The following INPP5A variants were observed in gnomAD, a reference collection of about 807,000 sequenced individuals.
INPP5A encodes 43 kDa inositol polyphosphate 5-phophatase.
INPP5A carries 14 observed loss-of-function variants against 65.2 expected under a neutral mutation model. The ratio of observed to expected loss-of-function variants is 0.21; its 90% CI spans 0.14 to 0.34. The LOEUF (loss-of-function observed/expected upper bound fraction) is 0.34, where lower values mean the gene tolerates loss of function less well. INPP5A is among the 10% of genes least tolerant of loss of function. INPP5A has a pLI of 1.00. For missense variants in INPP5A, 431 were observed against 545.6 expected (o/e 0.79, Z 2.09); for synonymous variants, 207 against 208.3 (o/e 0.99, Z 0.05).
rs777374280 is a variant in INPP5A at position 132,697,056 on chromosome 10, G to A, written c.371-760G>A. On this transcript the variant is annotated intron_variant, in intron 5 of 15. Coordinates refer to ENST00000368594, the MANE Select transcript of INPP5A (RefSeq NM_005539.5). The surrounding 1 kb of genome is among the most constrained non-coding windows in gnomAD (Gnocchi z 5.6). ...CTCCAAAGCGGTCTCCAGGAACCTCGTTGACACCCAGGAGTGTCACCTCAG... is the reference window on the plus strand; with the variant it reads ...CTCCAAAGCGGTCTCCAGGAACCTCATTGACACCCAGGAGTGTCACCTCAG... 2.0e-5 allele frequency among the ~76,000 whole-genome samples: 3 copies of A among 152,212 alleles called. No individual in the cohort carries two copies. Among genetic ancestry groups the A allele is most frequent in the Non-Finnish European group, 2.9e-5 (2 of 68,038 alleles).
chr10:132,769,521 C>T (rs1027995687), intron 12 of INPP5A, among the ~76,000 whole-genome samples: 6 of 152,020 alleles, frequency 3.9e-5, no homozygotes, highest in East Asian at 1.9e-4. Flanking sequence ...CTATTTCCAT[C>T]GGGTGTGACG....
chr10:132,651,691 G>GC lies in INPP5A; in HGVS notation c.306+1192dup, dbSNP rs1564949764. Among the ~76,000 whole-genome samples, 1 of 152,168 alleles carries GC rather than the reference G, an allele frequency of 6.6e-6. No individual in the cohort carries two copies. The highest frequency in any genetic ancestry group is 1.9e-4 in the East Asian group (1 of 5,188). Reference sequence around the variant, plus strand: ...AGTGCTGAGGGTCTCGCTCTCCAGTGCCCCCCTGCCCTGCAGGTGGGACTC... The same window carrying GC: ...AGTGCTGAGGGTCTCGCTCTCCAGTGCCCCCCCTGCCCTGCAGGTGGGACTC... On this transcript the variant is annotated intron_variant, in intron 4 of 15. Coordinates refer to ENST00000368594, the MANE Select transcript of INPP5A (RefSeq NM_005539.5). This position sits in a 1 kb window ranked among gnomAD's most constrained non-coding sequence, Gnocchi z 5.0.
At chr10:132,719,481 C>T (rs574882313) in intron 8 of INPP5A, among the ~76,000 whole-genome samples, 18 of 94,226 alleles carry the variant, frequency 1.9e-4, no homozygotes, top group African/African-American at 6.2e-4. Flanking sequence ...GGCTGTCTTG[C>T]GGGTTCTGTG....
intron 4 of INPP5A, among the ~76,000 whole-genome samples, chr10:132,669,608 C>T (rs889570971): frequency 2.0e-5 from 3 of 152,198 alleles, no homozygotes; most frequent in Non-Finnish European, 2.9e-5. Context: ...GCTTCTCTTA[C>T]GTGCTTGCAG....
Position 132,742,960 on chromosome 10 carries a change from G to A in INPP5A, c.733-6557G>A, listed in dbSNP as rs182399682. On this transcript the variant is annotated intron_variant, in intron 9 of 15. Transcript: ENST00000368594. The stretch of plus-strand genomic sequence containing the variant: ...TTTGTGGCTGAAATTCGACCCAGCC[G>A]GCCTGCGCCTGCCCCGCGCCCCCTT... Among the ~76,000 whole-genome samples, 425 of 152,310 alleles carry A rather than the reference G, an allele frequency of 2.8e-3. 1 individual carries two copies. The highest frequency in any genetic ancestry group is 9.7e-3 in the African/African-American group (405 of 41,578).
At chr10:132,688,643 GAGTGTGTGTGCA>G (rs574087351) in intron 4 of INPP5A, among the ~76,000 whole-genome samples, 164 of 152,050 alleles carry the variant, frequency 1.1e-3, no homozygotes, top group African/African-American at 3.7e-3. Flanking sequence ...GCGTGTGCAT[GAGTGTGTGTGCA>G]AGTGAGTGTG....
chr10:132,701,761 C>G (rs1002237771), intron 6 of INPP5A, among the ~76,000 whole-genome samples: 1 of 152,218 alleles, frequency 6.6e-6, no homozygotes, highest in Admixed American at 6.5e-5. Flanking sequence ...CCCCACCCCA[C>G]CCCAGCCCTG....
Position 132,550,726 on chromosome 10 carries a change from G to T in INPP5A, c.75+12555G>T. On this transcript the variant is annotated intron_variant, in intron 1 of 15. Coordinates refer to ENST00000368594, the MANE Select transcript of INPP5A (RefSeq NM_005539.5). The surrounding 1 kb of genome is among the most constrained non-coding windows in gnomAD (Gnocchi z 4.2). ...CAAGTGGAAACACTAGTTTGGTCCC[G>T]CCTGACCTCATGGAAGACGGTGGAG... Among the ~76,000 whole-genome samples the T allele has an allele frequency of 2.6e-5, 4 of 152,340 alleles. No homozygotes were observed. In the Middle Eastern group the frequency reaches 0.014, roughly 518 times the overall value.
At chr10:132,763,271 C>T (rs897994291) in intron 11 of INPP5A, among the ~76,000 whole-genome samples, 4 of 152,236 alleles carry the variant, frequency 2.6e-5, no homozygotes, top group Non-Finnish European at 5.9e-5. Flanking sequence ...AGTCTCATAG[C>T]TGGTGCCTGC....
chr10:132,728,317 C>T (rs1334915456), intron 9 of INPP5A, among the ~76,000 whole-genome samples: 2 of 152,238 alleles, frequency 1.3e-5, no homozygotes, highest in African/African-American at 4.8e-5. Context: ...CCTTTCTCCT[C>T]GTAGAGGCTG....
rs564056991 is a variant in INPP5A, at chr10:132,659,641, G to A, written c.306+9136G>A. Among the ~76,000 whole-genome samples the A allele has an allele frequency of 3.7e-4, 57 of 152,298 alleles. No homozygotes were observed. The highest frequency in any genetic ancestry group is 1.2e-3 in the African/African-American group (51 of 41,570). On this transcript the variant is annotated intron_variant, in intron 4 of 15. Coordinates refer to ENST00000368594, the MANE Select transcript of INPP5A (RefSeq NM_005539.5). The surrounding 1 kb of genome is among the most constrained non-coding windows in gnomAD (Gnocchi z 5.5). ...GCGCCGTGGCTGATGCACACCCACC[G>A]TCCCCTGCAGAGGAGACCTCTGCAC...
intron 5 of INPP5A, among the ~76,000 whole-genome samples, chr10:132,691,187 G>A (rs1290466639): frequency 6.6e-6 from 1 of 152,170 alleles, no homozygotes; most frequent in East Asian, 1.9e-4. Flanking sequence ...GAAATTGCGC[G>A]GTAGTCTTAT....
chr10:132,729,624 G>A (rs1402534212), intron 9 of INPP5A, among the ~76,000 whole-genome samples: 5 of 152,296 alleles, frequency 3.3e-5, no homozygotes, highest in Non-Finnish European at 7.4e-5. Context: ...CTCCGTGTTC[G>A]TGTTAGGCTG....
intron 4 of INPP5A, among the ~76,000 whole-genome samples, chr10:132,682,752 C>A (rs566230359): frequency 6.6e-6 from 1 of 152,256 alleles, no homozygotes; most frequent in South Asian, 2.1e-4. Flanking sequence ...CATGACCCAG[C>A]AATGCTGTGT....
chr10:132,557,498 C>G (rs1009674473), intron 1 of INPP5A, among the ~76,000 whole-genome samples: 1 of 152,230 alleles, frequency 6.6e-6, no homozygotes, highest in African/African-American at 2.4e-5. Flanking sequence ...AGAAAATGGC[C>G]GCTCTCAGCT....
chr10:132,634,540 GCAT>G (rs1161382356), intron 2 of INPP5A, among the ~76,000 whole-genome samples: 1 of 152,262 alleles, frequency 6.6e-6, no homozygotes, highest in African/African-American at 2.4e-5. Flanking sequence ...ACTGTGTCCT[GCAT>G]CTTGACTGCT....
chr10:132,686,299 A>G (rs1015406731), intron 4 of INPP5A, among the ~76,000 whole-genome samples: 1 of 152,278 alleles, frequency 6.6e-6, no homozygotes, highest in East Asian at 1.9e-4. Flanking sequence ...GAAGCATCAC[A>G]GCTAATGGCT....
chr10:132,702,911 G>A (rs1352847100), intron 6 of INPP5A, among the ~76,000 whole-genome samples: 2 of 152,196 alleles, frequency 1.3e-5, no homozygotes, highest in Non-Finnish European at 2.9e-5. Context: ...GGGTGACTGT[G>A]GGCTTGGGGG....
At chr10:132,708,506 C>T (rs1391107790) in intron 7 of INPP5A, 141 bp downstream of exon 7, 1 of 821,892 alleles carries the variant, frequency 1.2e-6, no homozygotes, top group Non-Finnish European at 2.2e-6. Context: ...CCCCACCTGC[C>T]ACTCTGACCC....
Sources: allele counts gnomAD v4.1 joint callset (sites outside exome capture counted in the v4.1 genomes callset), GRCh38; gene constraint gnomAD v4.1.1; non-coding constraint Gnocchi (gnomAD v3.1); transcripts MANE v1.5; gene names NCBI Gene and HGNC (gene_info 2026-07-23, HGNC 2026-07-21).